ATP7B: variants seen among roughly 807,000 people sequenced by gnomAD.
ATP7B encodes copper-transporting ATPase 2.
A neutral mutation model predicts 118.9 loss-of-function variants in ATP7B; 113 were observed. The ratio of observed to expected loss-of-function variants is 0.95; its 90% CI spans 0.82 to 1.11. The LOEUF is 1.11. Among genes scored for constraint, ATP7B ranks in the 50% most tolerant of loss-of-function variants. The pLI is 0.00. For missense variants in ATP7B, 1,867 were observed against 1,871.4 expected, an observed-to-expected ratio of 1.00 and a Z score of 0.04; for synonymous variants, 777 against 727.4, an observed-to-expected ratio of 1.07 and a Z score of -1.10.
intron 4 of ATP7B, chr13:51,966,785 A>G: frequency 1.9e-6 from 3 of 1,606,662 alleles, no homozygotes; most frequent in Non-Finnish European, 2.6e-6. Context: ...CGCCTGCTGG[A>G]CAGCAAAGGC....
At chr13:51,960,433 G>A (rs1432195849) in intron 6 of ATP7B, 111 bp from the exon 7 acceptor site, 4 of 1,325,798 alleles carry the variant, frequency 3.0e-6, no homozygotes, top group Non-Finnish European at 4.2e-6. Flanking sequence ...TCACATGTCT[G>A]GGACAGACCA....
At position 51,934,995 on chromosome 13, in the gene ATP7B, G is replaced by C; in HGVS notation, c.4159C>G (p.Gln1387Glu). The change falls in exon 21 of 21, where the codon CAG becomes GAG. Residue 1387 changes from glutamine (Q) to glutamate (E), a missense_variant. Physicochemically the swap from Gln to Glu is conservative, Grantham distance 29. Coordinates refer to ENST00000242839, the MANE Select transcript of ATP7B (RefSeq NM_000053.4). ...KKPDLERYEA[Q>E]AHGHMKPLTA... ...AGGGGCTTCATGTGGCCATGCGCCT[G>C]TGCCTCATACCTCTCCAGGTCAGGC... is the stretch of plus-strand genomic sequence containing the variant. 1.9e-6 allele frequency: 3 copies of C among 1,614,056 alleles called. No homozygotes were observed. Among genetic ancestry groups the C allele is most frequent in the Non-Finnish European group, 2.5e-6 (3 of 1,180,040 alleles).
chr13:51,955,210 G>A (rs111298880), intron 9 of ATP7B, among the ~76,000 whole-genome samples: 10 of 152,304 alleles, frequency 6.6e-5, no homozygotes, highest in Non-Finnish European at 1.0e-4. Context: ...GCCCAGACGC[G>A]GGAGGGCCCT....
Position 51,974,555 on chromosome 13 carries a change from A to T in ATP7B, c.665T>A (p.Ile222Asn), listed in dbSNP as rs373476328. 1 of 1,614,042 alleles carries T rather than the reference A, an allele frequency of 6.2e-7. No individual in the cohort carries two copies. Among genetic ancestry groups the T allele is most frequent in the Non-Finnish European group, 8.5e-7 (1 of 1,180,040 alleles). ...SKVAPLSLGP[I>N]DIERLQSTNP... is the part of the protein sequence containing the mutation. ...AGTGCTTTGTAACCGCTCAATATCA[A>T]TTGGTCCCAGGCTTAAGGGAGCCAC... Residue 222 changes from isoleucine (I) to asparagine (N), a missense_variant, in exon 2 of 21, where the codon ATT becomes AAT. Transcript: ENST00000242839.
At chr13:51,960,974 C>T (rs1396302934) in intron 6 of ATP7B, among the ~76,000 whole-genome samples, 2 of 152,102 alleles carry the variant, frequency 1.3e-5, no homozygotes, top group East Asian at 3.9e-4. Context: ...AAGTCTTAGG[C>T]TGTTGGACTG....
intron 1 of ATP7B, among the ~76,000 whole-genome samples, chr13:52,010,064 G>T (rs925708319): frequency 6.6e-6 from 1 of 152,114 alleles, no homozygotes; most frequent in African/African-American, 2.4e-5. Flanking sequence ...GGCAGGTCTT[G>T]AGCTTGATTT....
At chr13:51,939,009 T>C (rs1210866108) in intron 17 of ATP7B, 42 bp downstream of exon 17, 1 of 1,614,216 alleles carries the variant, frequency 6.2e-7, no homozygotes, top group South Asian at 1.1e-5. Context: ...CTCTAACTGC[T>C]TTTATGAGCT....
chr13:51,972,827 C>T (rs1951905861), intron 2 of ATP7B, among the ~76,000 whole-genome samples: 1 of 152,046 alleles, frequency 6.6e-6, no homozygotes, highest in African/African-American at 2.4e-5. Flanking sequence ...CAGCAACACT[C>T]CGTCTCTACA....
In ATP7B at chr13:51,949,772, G is replaced by T. The variant is rs121907993; in HGVS notation, c.2755C>A (p.Arg919=). The stretch of plus-strand genomic sequence containing the variant: ...AATGGGACAAAATATCCACTAAACC[G>T]GTCAGCCAGCTGCTGAATGGGTGCC... The part of the protein sequence containing the change: ...SKAPIQQLAD[R]FSGYFVPFII... Residue 919 remains arginine (R), a synonymous_variant, in exon 12 of 21, where the codon CGG becomes AGG. Coordinates refer to ENST00000242839, the MANE Select transcript of ATP7B (RefSeq NM_000053.4). 1.9e-6 allele frequency: 3 copies of T among 1,613,962 alleles called. No homozygotes were observed. Among genetic ancestry groups the T allele is most frequent in the South Asian group, 1.1e-5 (1 of 91,072 alleles).
At chr13:52,011,559 G>C, upstream of ATP7B, 1 of 636,918 alleles carries the variant, frequency 1.6e-6, no homozygotes, top group Non-Finnish European at 2.8e-6. Context: ...AAAGTTGCGC[G>C]CCGCCGTCCT....
At chr13:51,941,364 T>C (rs1353942459) in intron 15 of ATP7B, 140 bp from the exon 16 acceptor site, 5 of 985,112 alleles carry the variant, frequency 5.1e-6, no homozygotes, top group East Asian at 2.5e-5. Flanking sequence ...TGTGACAGCA[T>C]CCTTTAGGAC....
chr13:51,944,420 G>A lies in ATP7B; in HGVS notation c.3061-129C>T, dbSNP rs17076121. On this transcript the variant is annotated intron_variant, in intron 13 of 20. Coordinates refer to ENST00000242839, the MANE Select transcript of ATP7B (RefSeq NM_000053.4). ...CAAGACACCTGCACAGCTTCCTAAC[G>A]TGATCCTCTGTCGTTCAATCTCAGG... The A allele has an allele frequency of 2.4e-4, 278 of 1,141,282 alleles. No individual in the cohort carries two copies. In the East Asian group the frequency reaches 6.8e-3, roughly 28 times the overall value. The allele number at this position is 1,141,282 out of a possible 1,614,324, so 70.7% of individuals were successfully genotyped here. A position where few individuals can be genotyped will look rare whatever the true frequency, so the allele number is the denominator to read the frequency against.
intron 2 of ATP7B, 44 bp from the exon 3 acceptor site, chr13:51,970,793 A>T (rs1016532346): frequency 1.1e-5 from 17 of 1,602,204 alleles, no homozygotes; most frequent in Non-Finnish European, 1.4e-5. Context: ...AAGAGCAAAT[A>T]ATATGTTTTT....
chr13:51,967,633 A>T (rs575314758), intron 4 of ATP7B, among the ~76,000 whole-genome samples: 2 of 152,188 alleles, frequency 1.3e-5, no homozygotes, highest in African/African-American at 4.8e-5. Context: ...TCAGGAGCTC[A>T]TGGGCCTCTG....
chr13:51,939,238 C>A (rs911973202), intron 16 of ATP7B, 45 bp from the exon 17 acceptor site: 4 of 1,608,118 alleles, frequency 2.5e-6, no homozygotes, highest in African/African-American at 1.3e-5. Context: ...AGTTGGGGCA[C>A]CCCGCACCAA....
At chr13:52,007,289 A>G (rs1446011814) in intron 1 of ATP7B, among the ~76,000 whole-genome samples, 1 of 152,144 alleles carries the variant, frequency 6.6e-6, no homozygotes, top group African/African-American at 2.4e-5. Flanking sequence ...ACAATAAAAA[A>G]TCGCTGAGAA....
At chr13:51,978,747 T>C (rs142050420) in intron 1 of ATP7B, 27 of 152,306 alleles carry the variant, frequency 1.8e-4, no homozygotes, top group Middle Eastern at 3.4e-3. Context: ...GAAAATATCA[T>C]ATATATAGCA....
intron 4 of ATP7B, chr13:51,966,652 T>C: frequency 1.9e-6 from 2 of 1,036,202 alleles, no homozygotes; most frequent in Non-Finnish European, 2.9e-6. Flanking sequence ...TGATACAGCA[T>C]GGTTTTTTTA....
intron 4 of ATP7B, among the ~76,000 whole-genome samples, chr13:51,965,366 C>A (rs997506287): frequency 6.6e-6 from 1 of 152,152 alleles, no homozygotes; most frequent in East Asian, 1.9e-4. Context: ...CTGGCAAAGC[C>A]GGGATACTAA....
Sources: allele counts gnomAD v4.1 joint callset (sites outside exome capture counted in the v4.1 genomes callset), GRCh38; gene constraint gnomAD v4.1.1; transcripts MANE v1.5; gene names NCBI Gene and HGNC (gene_info 2026-07-23, HGNC 2026-07-21).